Variants in ATP6V0D2 observed in about 807,000 individuals in gnomAD.
ATP6V0D2 encodes V-type proton ATPase subunit d 2.
ATP6V0D2 carries 40 observed loss-of-function variants against 40.0 expected under a neutral mutation model. The ratio of observed to expected loss-of-function variants is 1.00; its 90% CI spans 0.78 to 1.30. ATP6V0D2 has a LOEUF of 1.30. ATP6V0D2 is among the 50% of genes most tolerant of loss of function. ATP6V0D2 has a pLI of 0.00. For synonymous variants in ATP6V0D2, 179 were observed against 156.3 expected (o/e 1.15, Z -1.08); for missense variants, 470 against 423.1 (o/e 1.11, Z -0.97).
At position 86,113,772 on chromosome 8, in the gene ATP6V0D2, T is replaced by G. The variant is rs1395708052; in HGVS notation, c.194T>G (p.Leu65Arg). The G allele has an allele frequency of 6.2e-7, 1 of 1,613,922 alleles. No individual in the cohort carries two copies. Among genetic ancestry groups the G allele is most frequent in the Admixed American group, 1.7e-5 (1 of 60,004 alleles). ...TTTTTGGCTAATCACACAAATCCTC[T>G]TACTGTTTCCAAAATTGACACTGAG... ...GNFLANHTNP[L>R]TVSKIDTEMR... Residue 65 changes from leucine (L) to arginine (R), a missense_variant, in exon 2 of 8, where the codon CTT becomes CGT. Physicochemically the swap from Leu to Arg is moderately radical, Grantham distance 102 (BLOSUM62 -2). Transcript: ENST00000285393.
chr8:86,123,223 G>T (rs1397692974), intron 2 of ATP6V0D2, among the ~76,000 whole-genome samples: 2 of 152,172 alleles, frequency 1.3e-5, no homozygotes, highest in African/African-American at 4.8e-5. Flanking sequence ...AATAACTGGT[G>T]ATTGCTATTA....
At chr8:86,119,887 G>A (rs1379707169) in intron 2 of ATP6V0D2, among the ~76,000 whole-genome samples, 2 of 152,048 alleles carry the variant, frequency 1.3e-5, no homozygotes, top group Non-Finnish European at 2.9e-5. Flanking sequence ...TTACCTAATG[G>A]GCATTGAATA....
chr8:86,137,777 G>C (rs993805198), intron 2 of ATP6V0D2, among the ~76,000 whole-genome samples: 1 of 152,136 alleles, frequency 6.6e-6, no homozygotes, highest in African/African-American at 2.4e-5. Context: ...GAAGCAGACT[G>C]CCTGAGTCTG....
rs747135236 is a variant in ATP6V0D2, at chr8:86,150,201, C to G, written c.729C>G (p.Thr243=). The change falls in exon 6 of 8, where the codon ACC becomes ACG. Residue 243 remains threonine, a synonymous_variant. Coordinates refer to ENST00000285393, the MANE Select transcript of ATP6V0D2 (RefSeq NM_152565.1). ...AAGACCGAGAGACCCTCTATCCAACCTTCGGCAAACTCTATCCTGAGGGGT... is the reference window on the plus strand; with the variant it reads ...AAGACCGAGAGACCCTCTATCCAACGTTCGGCAAACTCTATCCTGAGGGGT... ...SKEDRETLYP[T]FGKLYPEGLR... The G allele has an allele frequency of 1.2e-6, 2 of 1,613,276 alleles. No homozygotes were observed. Among genetic ancestry groups the G allele is most frequent in the Non-Finnish European group, 1.7e-6 (2 of 1,179,870 alleles).
chr8:86,148,181 C>T (rs544512201), intron 5 of ATP6V0D2, among the ~76,000 whole-genome samples: 1 of 152,100 alleles, frequency 6.6e-6, no homozygotes, highest in African/African-American at 2.4e-5. Flanking sequence ...GCTCTAGTTG[C>T]CCTAATTTTT....
chr8:86,137,441 C>A (rs1219725266), intron 2 of ATP6V0D2, among the ~76,000 whole-genome samples: 1 of 152,196 alleles, frequency 6.6e-6, no homozygotes, highest in Non-Finnish European at 1.5e-5. Flanking sequence ...TCTCTACATG[C>A]ACTCTACGAT....
chr8:86,145,201 A>T (rs577572372), intron 5 of ATP6V0D2, among the ~76,000 whole-genome samples: 397 of 12,610 alleles, frequency 0.031, 16 homozygotes, highest in African/African-American at 0.1. Flanking sequence ...AAAGAAAAGA[A>T]AGAAAGAAAG....
At chr8:86,150,034 T>A in intron 5 of ATP6V0D2, 78 bp from the exon 6 acceptor site, 1 of 1,305,610 alleles carries the variant, frequency 7.7e-7, no homozygotes, top group East Asian at 2.3e-5. Flanking sequence ...ATTTCAGAAA[T>A]GAATGTGTGC....
chr8:86,135,868 C>G (rs1465159285), intron 2 of ATP6V0D2, among the ~76,000 whole-genome samples: 1 of 152,112 alleles, frequency 6.6e-6, no homozygotes, highest in Non-Finnish European at 1.5e-5. Flanking sequence ...CAGGCAATGT[C>G]AGCAATTATT....
intron 2 of ATP6V0D2, among the ~76,000 whole-genome samples, chr8:86,138,711 C>G (rs1388849876): frequency 1.3e-5 from 2 of 152,160 alleles, no homozygotes; most frequent in Admixed American, 6.5e-5. Context: ...TGATAGGCTT[C>G]ATTGCAGTTT....
intron 5 of ATP6V0D2, 126 bp downstream of exon 5, chr8:86,143,080 A>G: frequency 1.7e-6 from 1 of 585,748 alleles, no homozygotes; most frequent in Non-Finnish European, 3.0e-6. Flanking sequence ...CAAGCAGTAC[A>G]TTTTATTATA....
chr8:86,100,292 G>GT lies in ATP6V0D2; in HGVS notation c.130+1184_130+1185insT, dbSNP rs538162539. Among the ~76,000 whole-genome samples the GT allele has an allele frequency of 4.4e-3, 666 of 152,028 alleles. 3 individuals are homozygous for GT. Among genetic ancestry groups the GT allele is most frequent in the African/African-American group, 0.015 (627 of 41,476 alleles). On this transcript the variant is annotated intron_variant, in intron 1 of 7. Transcript: ENST00000285393. ...ATTATTAAAAACAGCTACACTCACT[G>GT]ATTTTGAAACATACTTACAAAACCC...
At chr8:86,119,687 A>T (rs1818643341) in intron 2 of ATP6V0D2, among the ~76,000 whole-genome samples, 2 of 152,256 alleles carry the variant, frequency 1.3e-5, no homozygotes, top group Admixed American at 1.3e-4. Context: ...CAGTATTTTT[A>T]AAAATTATGT....
chr8:86,100,348 T>G (rs1818379913), intron 1 of ATP6V0D2, among the ~76,000 whole-genome samples: 1 of 152,174 alleles, frequency 6.6e-6, no homozygotes, highest in Non-Finnish European at 1.5e-5. Flanking sequence ...GGTTTAAAGC[T>G]TCCAGATTAT....
intron 2 of ATP6V0D2, among the ~76,000 whole-genome samples, chr8:86,117,099 C>T (rs1316682740): frequency 6.6e-6 from 1 of 152,110 alleles, no homozygotes; most frequent in Non-Finnish European, 1.5e-5. Flanking sequence ...TTTAGCCCTT[C>T]ATAATATATG....
intron 2 of ATP6V0D2, among the ~76,000 whole-genome samples, chr8:86,136,719 C>T (rs1818902401): frequency 6.6e-6 from 1 of 152,086 alleles, no homozygotes; most frequent in African/African-American, 2.4e-5. Context: ...GAAGGAGACC[C>T]CCTTTTCCAA....
At chr8:86,134,384 C>A (rs967141913) in intron 2 of ATP6V0D2, among the ~76,000 whole-genome samples, 2 of 152,064 alleles carry the variant, frequency 1.3e-5, no homozygotes, top group Non-Finnish European at 2.9e-5. Context: ...AAAGAAAGGA[C>A]AACAGAAAGG....
intron 4 of ATP6V0D2, among the ~76,000 whole-genome samples, chr8:86,142,622 A>G (rs994413355): frequency 3.3e-5 from 5 of 152,184 alleles, no homozygotes; most frequent in Non-Finnish European, 5.9e-5. Context: ...ATCCAAAACC[A>G]TGCAAAAAAA....
At chr8:86,151,843 T>C (rs1351417577) in intron 7 of ATP6V0D2, among the ~76,000 whole-genome samples, 2 of 151,706 alleles carry the variant, frequency 1.3e-5, no homozygotes, top group African/African-American at 2.4e-5. Context: ...CCTCATGGAA[T>C]TTGCTGAAGA....
Sources: gnomAD v4.1 joint callset for allele counts (sites outside exome capture counted in the v4.1 genomes callset) on GRCh38, gnomAD v4.1.1 for gene constraint, MANE v1.5 for transcripts, NCBI Gene and HGNC (gene_info 2026-07-23, HGNC 2026-07-21) for gene names.